AUTS2: variants seen among roughly 807,000 people sequenced by gnomAD.
AUTS2 encodes the protein activator of transcription and developmental regulator AUTS2, also known as autism susceptibility gene 2 protein.
In AUTS2, 17 loss-of-function variants were observed where a neutral mutation model predicts 112.4. The observed-to-expected ratio is 0.15, with a 90% CI of 0.10 to 0.23. The LOEUF is 0.23. AUTS2 is among the 10% of genes least tolerant of loss of function. AUTS2 has a pLI of 1.00. For synonymous variants in AUTS2, 751 were observed against 702.7 expected (o/e 1.07, Z -1.09); for missense variants, 1,510 against 1,701.6 (o/e 0.89, Z 1.98).
intron 1 of AUTS2, among the ~76,000 whole-genome samples, chr7:69,866,150 G>A (rs565998700): frequency 9.2e-4 from 140 of 152,232 alleles, no homozygotes; most frequent in African/African-American, 3.3e-3. Flanking sequence ...TTGCTCCCAA[G>A]CCTGCCTAGT....
chr7:70,129,266 T>C (rs1806141241), intron 3 of AUTS2, among the ~76,000 whole-genome samples: 1 of 152,192 alleles, frequency 6.6e-6, no homozygotes, highest in African/African-American at 2.4e-5. Context: ...AATAAAGAAC[T>C]GATGTCCCAG....
chr7:70,485,559 A>C (rs1240894107), intron 5 of AUTS2, among the ~76,000 whole-genome samples: 1 of 152,156 alleles, frequency 6.6e-6, no homozygotes, highest in Admixed American at 6.5e-5. Flanking sequence ...AATCTCAGAA[A>C]TCACCACTAA....
chr7:70,404,578 A>G (rs949511846), intron 4 of AUTS2, among the ~76,000 whole-genome samples: 52 of 152,320 alleles, frequency 3.4e-4, no homozygotes, highest in Middle Eastern at 3.4e-3. Flanking sequence ...GCTCAGGCAT[A>G]GAGAGCAGCG....
intron 1 of AUTS2, among the ~76,000 whole-genome samples, chr7:69,774,287 C>G (rs1788800990): frequency 6.6e-6 from 1 of 152,196 alleles, no homozygotes; most frequent in African/African-American, 2.4e-5. Flanking sequence ...GTAGTCCCAG[C>G]TACTCAGGAG....
At chr7:69,911,881 C>G (rs1032357447) in intron 2 of AUTS2, among the ~76,000 whole-genome samples, 6 of 152,170 alleles carry the variant, frequency 3.9e-5, no homozygotes, top group African/African-American at 1.4e-4. Context: ...GGCCGCTAGG[C>G]TTCAGGTTGT....
intron 3 of AUTS2, among the ~76,000 whole-genome samples, chr7:70,125,064 C>T (rs1027639010): frequency 1.3e-5 from 2 of 152,020 alleles, no homozygotes. Flanking sequence ...TGTGCCATTT[C>T]TGGACCTGTT....
At chr7:69,707,525 T>C (rs1258599186) in intron 1 of AUTS2, among the ~76,000 whole-genome samples, 3 of 152,238 alleles carry the variant, frequency 2.0e-5, no homozygotes, top group Non-Finnish European at 4.4e-5. Flanking sequence ...CTTCCCAGCT[T>C]TGTAACTTTG....
intron 2 of AUTS2, among the ~76,000 whole-genome samples, chr7:70,023,399 G>T (rs1011757217): frequency 6.6e-6 from 1 of 152,122 alleles, no homozygotes; most frequent in African/African-American, 2.4e-5. Context: ...GAATGGGTCT[G>T]TGCTACTCTA....
chr7:70,762,785 T>A, intron 6 of AUTS2, 85 bp from the exon 7 acceptor site: 1 of 1,010,518 alleles, frequency 9.9e-7, no homozygotes, highest in Admixed American at 1.8e-5. Context: ...TGGAGTTGTG[T>A]GATAGCCTTG....
At chr7:70,059,957 G>C (rs1475605259) in intron 2 of AUTS2, among the ~76,000 whole-genome samples, 10 of 152,148 alleles carry the variant, frequency 6.6e-5, no homozygotes, top group Admixed American at 6.5e-4. Flanking sequence ...ACTTTTTACA[G>C]TTTAATTGTT....
At chr7:69,845,706 A>G (rs1186313726) in intron 1 of AUTS2, among the ~76,000 whole-genome samples, 1 of 152,194 alleles carries the variant, frequency 6.6e-6, no homozygotes, top group African/African-American at 2.4e-5. Context: ...CTGGTGAACT[A>G]CCACTGCATA....
At chr7:69,609,414 T>C (rs1209905388) in intron 1 of AUTS2, among the ~76,000 whole-genome samples, 1 of 152,230 alleles carries the variant, frequency 6.6e-6, no homozygotes, top group Non-Finnish European at 1.5e-5. Context: ...TTGGCCTTTC[T>C]CTGTAGGTAC....
intron 2 of AUTS2, among the ~76,000 whole-genome samples, chr7:69,967,538 G>C (rs1486845052): frequency 6.6e-6 from 1 of 152,134 alleles, no homozygotes; most frequent in African/African-American, 2.4e-5. Context: ...AGGTGTGCAG[G>C]AACATAAAGG....
intron 1 of AUTS2, among the ~76,000 whole-genome samples, chr7:69,857,816 CAAAAAAAA>C (rs891544529): frequency 9.0e-6 from 1 of 110,594 alleles, no homozygotes; most frequent in Non-Finnish European, 1.9e-5. Flanking sequence ...GACTCCGTCT[CAAAAAAAA>C]AAAAAAGACA....
chr7:70,603,513 C>G lies in AUTS2; in HGVS notation c.691-95056C>G, dbSNP rs376120586. Among the ~76,000 whole-genome samples the G allele has an allele frequency of 5.4e-5, 8 of 147,440 alleles. No individual in the cohort carries two copies. In the East Asian group the frequency reaches 1.5e-3, roughly 29 times the overall value. On this transcript the variant is annotated intron_variant, in intron 5 of 18. Transcript: ENST00000342771. ...GCCTCTGTGCTGTGCCCTCCTGCAG[C>G]CTGTGCTGTGCTCTCCTACTCCAGT...
At chr7:69,774,847 T>A (rs1042230344) in intron 1 of AUTS2, among the ~76,000 whole-genome samples, 1 of 152,176 alleles carries the variant, frequency 6.6e-6, no homozygotes, top group Admixed American at 6.5e-5. Flanking sequence ...ATTTTTTTTT[T>A]AATTAATGCC....
intron 1 of AUTS2, among the ~76,000 whole-genome samples, chr7:69,688,334 A>T (rs1483070793): frequency 6.6e-6 from 1 of 152,210 alleles, no homozygotes; most frequent in Non-Finnish European, 1.5e-5. Flanking sequence ...TGCTGGAATA[A>T]AATGTCTCAA....
intron 4 of AUTS2, among the ~76,000 whole-genome samples, chr7:70,419,274 A>G (rs1795115157): frequency 6.6e-6 from 1 of 152,166 alleles, no homozygotes; most frequent in South Asian, 2.1e-4. Context: ...ATTTAGGTTT[A>G]TGAAGTCTGT....
At chr7:70,460,138 G>A (rs1562968574) in intron 5 of AUTS2, among the ~76,000 whole-genome samples, 1 of 151,984 alleles carries the variant, frequency 6.6e-6, no homozygotes, top group Non-Finnish European at 1.5e-5. Context: ...TTCCAAGCAG[G>A]GCTGCCCAGC....
Sources: gnomAD v4.1 joint callset for allele counts (sites outside exome capture counted in the v4.1 genomes callset) on GRCh38, gnomAD v4.1.1 for gene constraint, MANE v1.5 for transcripts, NCBI Gene and HGNC (gene_info 2026-07-23, HGNC 2026-07-21) for gene names.